SGCD: variants seen among roughly 807,000 people sequenced by gnomAD.
The protein encoded by SGCD is delta-sarcoglycan.
A neutral mutation model predicts 36.6 loss-of-function variants in SGCD; 18 were observed. That is an observed-to-expected ratio of 0.49 (90% confidence interval 0.34 to 0.73). The LOEUF is 0.73. Ranked by LOEUF, SGCD falls within the 30% of genes least tolerant of loss-of-function variation. The probability of loss-of-function intolerance (pLI) is 0.01; values close to 1 mark genes in which losing one functional copy is unlikely to be tolerated. For synonymous variants in SGCD, 133 were observed against 130.6 expected (o/e 1.02, Z -0.12); for missense variants, 387 against 346.7 (o/e 1.12, Z -0.92).
the SGCD span, among the ~76,000 whole-genome samples, chr5:155,832,608 A>G: frequency 2.6e-5 from 4 of 152,088 alleles, no homozygotes; most frequent in African/African-American, 9.7e-5. Flanking sequence ...ACCCTGTGTT[A>G]TAACTGCTGG....
At chr5:156,039,945 T>A (rs968774895) in intron 1 of SGCD, among the ~76,000 whole-genome samples, 1 of 152,138 alleles carries the variant, frequency 6.6e-6, no homozygotes, top group African/African-American at 2.4e-5. Flanking sequence ...ACTGTGAAGA[T>A]AAGTTACAGT....
chr5:156,705,486 A>C (rs1218194877), intron 7 of SGCD, among the ~76,000 whole-genome samples: 2 of 152,154 alleles, frequency 1.3e-5, no homozygotes, highest in Non-Finnish European at 2.9e-5. Context: ...AATTGTCTTC[A>C]TATGTCATTG....
intron 7 of SGCD, among the ~76,000 whole-genome samples, chr5:156,702,059 T>G (rs1298026516): frequency 6.6e-6 from 1 of 152,344 alleles, no homozygotes; most frequent in East Asian, 1.9e-4. Flanking sequence ...GTTGCTCCCC[T>G]GTTTGCCTTG....
At chr5:156,227,068 G>A (rs768612735) in intron 3 of SGCD, among the ~76,000 whole-genome samples, 1 of 151,928 alleles carries the variant, frequency 6.6e-6, no homozygotes, top group Non-Finnish European at 1.5e-5. Context: ...TTCTGCTGAC[G>A]GTTCTTTTGC....
intron 3 of SGCD, among the ~76,000 whole-genome samples, chr5:156,210,062 T>C (rs1392380739): frequency 6.6e-6 from 1 of 152,144 alleles, no homozygotes; most frequent in Non-Finnish European, 1.5e-5. Context: ...GCTGCAGGCC[T>C]GCCCTCATGG....
chr5:156,371,802 C>A (rs1446334384), intron 3 of SGCD, among the ~76,000 whole-genome samples: 3 of 152,202 alleles, frequency 2.0e-5, no homozygotes, highest in African/African-American at 7.2e-5. Context: ...TATGCTCCGT[C>A]TAATCTCCAT....
At chr5:155,846,992 A>C in the SGCD span, among the ~76,000 whole-genome samples, 8 of 152,226 alleles carry the variant, frequency 5.3e-5, no homozygotes, top group African/African-American at 1.9e-4. Context: ...GTGTGCTTAA[A>C]AATATGAAGT....
intron 1 of SGCD, among the ~76,000 whole-genome samples, chr5:155,943,321 G>T (rs1236993424): frequency 1.3e-5 from 2 of 151,294 alleles, no homozygotes; most frequent in Non-Finnish European, 2.9e-5. Context: ...TCATTATCAT[G>T]CCATCCTATA....
chr5:156,270,646 A>G (rs1421860244), intron 3 of SGCD, among the ~76,000 whole-genome samples: 2 of 152,152 alleles, frequency 1.3e-5, no homozygotes, highest in Non-Finnish European at 2.9e-5. Flanking sequence ...TTTTCTATAG[A>G]TAAGACTTAA....
At chr5:156,695,522 T>C (rs1242380587) in intron 7 of SGCD, among the ~76,000 whole-genome samples, 1 of 15,312 alleles carries the variant, frequency 6.5e-5, no homozygotes, top group Non-Finnish European at 1.4e-4. Flanking sequence ...GATAGATAGA[T>C]AGATAGATAG....
intron 1 of SGCD, among the ~76,000 whole-genome samples, chr5:155,997,519 G>A (rs375399113): frequency 3.3e-5 from 5 of 152,154 alleles, no homozygotes; most frequent in Non-Finnish European, 5.9e-5. Flanking sequence ...GAAATACATC[G>A]CTCAACATGG....
At chr5:155,756,016 T>G in the SGCD span, among the ~76,000 whole-genome samples, 1 of 152,236 alleles carries the variant, frequency 6.6e-6, no homozygotes, top group Non-Finnish European at 1.5e-5. Context: ...ATTTGTTCAA[T>G]TACAAAGTGT....
At chr5:155,936,497 C>A (rs1757205591) in intron 1 of SGCD, among the ~76,000 whole-genome samples, 1 of 152,076 alleles carries the variant, frequency 6.6e-6, no homozygotes, top group South Asian at 2.1e-4. Flanking sequence ...GAGAGGAGAC[C>A]CTGGAGTGTG....
intron 3 of SGCD, among the ~76,000 whole-genome samples, chr5:156,213,263 G>A (rs941076676): frequency 2.0e-5 from 3 of 151,618 alleles, no homozygotes; most frequent in African/African-American, 7.3e-5. Flanking sequence ...GCAAGACTAA[G>A]AAAAAAACTC....
rs1218404328 is a variant in SGCD at position 156,054,285 on chromosome 5, T to C, written c.-281-63593T>C. On this transcript the variant is annotated intron_variant, in intron 1 of 9. Transcript: ENST00000517913. ...ACCAATTAAACATGAACTTTCCTTC[T>C]TTTTTTTTTTTTTTTTTTGAGACAG... Among the ~76,000 whole-genome samples, 3 of 3,692 alleles carry C rather than the reference T, an allele frequency of 8.1e-4. 1 individual carries two copies. Among genetic ancestry groups the C allele is most frequent in the Non-Finnish European group, 2.4e-3 (2 of 824 alleles). 2.4% of individuals were successfully genotyped at this position (3,692 alleles called of 152,430 possible). A position where few individuals can be genotyped will look rare whatever the true frequency, so the allele number is the denominator to read the frequency against.
chr5:155,940,108 A>T (rs373813972), intron 1 of SGCD, among the ~76,000 whole-genome samples: 6 of 152,098 alleles, frequency 3.9e-5, no homozygotes, highest in East Asian at 1.9e-4. Flanking sequence ...ATGTGTTGGG[A>T]TTATAGGCGT....
At chr5:156,359,016 TAAG>T (rs778141383) in intron 3 of SGCD, among the ~76,000 whole-genome samples, 9 of 151,890 alleles carry the variant, frequency 5.9e-5, no homozygotes, top group Non-Finnish European at 1.2e-4. Context: ...AAATTAAAAA[TAAG>T]AAGCTAAAAG....
chr5:156,038,074 T>C (rs1046926570), intron 1 of SGCD, among the ~76,000 whole-genome samples: 1 of 152,128 alleles, frequency 6.6e-6, no homozygotes, highest in Non-Finnish European at 1.5e-5. Context: ...CTGGATCTGG[T>C]AGAGTGAAGA....
intron 7 of SGCD, among the ~76,000 whole-genome samples, chr5:156,650,572 T>A (rs1408720380): frequency 6.6e-6 from 1 of 152,122 alleles, no homozygotes; most frequent in Non-Finnish European, 1.5e-5. Flanking sequence ...CTCCCACTTA[T>A]TAGTGAAAAT....
Sources: allele counts gnomAD v4.1 joint callset (sites outside exome capture counted in the v4.1 genomes callset), GRCh38; gene constraint gnomAD v4.1.1; transcripts MANE v1.5; gene names NCBI Gene and HGNC (gene_info 2026-07-23, HGNC 2026-07-21).